MS4A18: variants seen among roughly 807,000 people sequenced by gnomAD.
MS4A18 encodes membrane spanning 4-domains A18.
In MS4A18, 27 loss-of-function variants were observed where a neutral mutation model predicts 13.1. The observed-to-expected ratio is 2.06, with a 90% CI of 1.52 to 2.84. The LOEUF (loss-of-function observed/expected upper bound fraction) is 2.84, where lower values mean the gene tolerates loss of function less well. Among genes scored for constraint, MS4A18 ranks in the 30% most tolerant of loss-of-function variants. The probability of loss-of-function intolerance (pLI) is 0.00; values close to 1 mark genes in which losing one functional copy is unlikely to be tolerated. For synonymous variants in MS4A18, 126 were observed against 76.5 expected (o/e 1.65, Z -3.38); for missense variants, 307 against 196.4 (o/e 1.56, Z -3.37).
chr11:60,734,597 G>A (rs1289943515), intron 2 of MS4A18, among the ~76,000 whole-genome samples: 4 of 152,214 alleles, frequency 2.6e-5, no homozygotes, highest in Non-Finnish European at 4.4e-5. Context: ...ATTCCACTTA[G>A]ATGAGGTCCC....
chr11:60,734,136 G>C (rs2134676720), intron 2 of MS4A18, among the ~76,000 whole-genome samples: 1 of 152,186 alleles, frequency 6.6e-6, no homozygotes, highest in African/African-American at 2.4e-5. Flanking sequence ...TGCACTTGTA[G>C]TCCCAGCTAC....
At chr11:60,733,417 C>T in intron 1 of MS4A18, 117 bp from the exon 3 acceptor site, 1 of 664,764 alleles carries the variant, frequency 1.5e-6, no homozygotes, top group Non-Finnish European at 2.7e-6. Flanking sequence ...CTGGGATGAG[C>T]CCCCAACACC....
At chr11:60,736,704 A>G (rs946935534) in intron 2 of MS4A18, among the ~76,000 whole-genome samples, 4 of 152,176 alleles carry the variant, frequency 2.6e-5, no homozygotes, top group African/African-American at 9.7e-5. Flanking sequence ...TAATAATGAG[A>G]TTTACAGCAT....
chr11:60,744,643 T>C (rs1565063128), downstream of MS4A18, among the ~76,000 whole-genome samples: 1 of 152,082 alleles, frequency 6.6e-6, no homozygotes. Flanking sequence ...TTCCACAATA[T>C]ATAAAGAACT....
chr11:60,731,323 C>G (rs1480408413), intron 1 of MS4A18, among the ~76,000 whole-genome samples: 1 of 152,084 alleles, frequency 6.6e-6, no homozygotes, highest in Non-Finnish European at 1.5e-5. Context: ...TTTGTCAAAA[C>G]AGAATTAAGT....
At chr11:60,727,332 T>G (rs1211109332), upstream of MS4A18, among the ~76,000 whole-genome samples, 1 of 152,182 alleles carries the variant, frequency 6.6e-6, no homozygotes, top group African/African-American at 2.4e-5. Context: ...GCCACTATTA[T>G]GCACCTTTTA....
chr11:60,742,742 C>T (rs1853428908), intron 5 of MS4A18, among the ~76,000 whole-genome samples: 1 of 152,190 alleles, frequency 6.6e-6, no homozygotes, highest in Non-Finnish European at 1.5e-5. Flanking sequence ...TCATTAAGTC[C>T]TGGGCTCTCT....
chr11:60,726,501 C>T (rs985775818), upstream of MS4A18, among the ~76,000 whole-genome samples: 3 of 152,146 alleles, frequency 2.0e-5, no homozygotes, highest in African/African-American at 7.2e-5. Context: ...TGTGTTGAAA[C>T]ACAGATGGCT....
rs79234005 is a variant in MS4A18, at chr11:60,736,128, T to C, written c.592-850T>C. Among the ~76,000 whole-genome samples the C allele has an allele frequency of 6.6e-5, 10 of 152,208 alleles. No individual in the cohort carries two copies. In the East Asian group the frequency reaches 1.9e-3, roughly 29 times the overall value. ...TTTGTTTGGGAAGAAGTGAGTTCCT[T>C]TGAGGGGTAGCTTCAAGAGAGCTAG... is the stretch of plus-strand genomic sequence containing the variant. On this transcript the variant is annotated intron_variant, in intron 2 of 5. Transcript: ENST00000529108.
intron 1 of MS4A18, among the ~76,000 whole-genome samples, chr11:60,731,955 A>G (rs1027264714): frequency 5.9e-5 from 9 of 152,138 alleles, no homozygotes; most frequent in Non-Finnish European, 1.3e-4. Flanking sequence ...TCATTAATAT[A>G]CTGATAAAGT....
chr11:60,744,190 C>G (rs1351092105), exon 6 of MS4A18: 1 of 569,908 alleles, frequency 1.8e-6, no homozygotes, highest in Non-Finnish European at 3.1e-6. Context: ...TCTTTTTTTT[C>G]ATTCATAAAT....
chr11:60,730,962 C>A (rs766521936), intron 1 of MS4A18, among the ~76,000 whole-genome samples: 3 of 152,010 alleles, frequency 2.0e-5, no homozygotes, highest in Non-Finnish European at 4.4e-5. Flanking sequence ...GGTGTGGTGG[C>A]GGGTGCCTGT....
intron 2 of MS4A18, among the ~76,000 whole-genome samples, chr11:60,734,486 A>C (rs1453632929): frequency 6.6e-6 from 1 of 152,172 alleles, no homozygotes; most frequent in East Asian, 1.9e-4. Flanking sequence ...CAGTGCTGCC[A>C]CCTCATAAGG....
At chr11:60,734,906 C>T (rs915158631) in intron 2 of MS4A18, among the ~76,000 whole-genome samples, 2 of 151,684 alleles carry the variant, frequency 1.3e-5, no homozygotes, top group Non-Finnish European at 2.9e-5. Flanking sequence ...GTCGGCCTCC[C>T]GAGTAGCTGG....
intron 5 of MS4A18, among the ~76,000 whole-genome samples, chr11:60,741,387 C>T (rs1281813598): frequency 6.6e-6 from 1 of 152,096 alleles, no homozygotes; most frequent in Non-Finnish European, 1.5e-5. Flanking sequence ...ATGAACTCAC[C>T]CTTGTATCTT....
At chr11:60,742,226 C>G (rs1415415851) in intron 5 of MS4A18, among the ~76,000 whole-genome samples, 2 of 152,108 alleles carry the variant, frequency 1.3e-5, no homozygotes, top group Non-Finnish European at 1.5e-5. Context: ...ACTCTTGGCT[C>G]TACTCTCAGA....
intron 1 of MS4A18, 31 bp from the exon 3 acceptor site, chr11:60,733,503 G>T (rs1374430171): frequency 5.7e-6 from 4 of 703,018 alleles, no homozygotes; most frequent in Non-Finnish European, 1.0e-5. Context: ...CCGCAGTTCT[G>T]CTCTCTCACA....
At chr11:60,736,720 G>A (rs1212855478) in intron 2 of MS4A18, among the ~76,000 whole-genome samples, 1 of 152,182 alleles carries the variant, frequency 6.6e-6, no homozygotes, top group Non-Finnish European at 1.5e-5. Context: ...AGCATCCTGG[G>A]ACAAAATTCA....
intron 5 of MS4A18, among the ~76,000 whole-genome samples, chr11:60,742,268 T>C (rs1403284759): frequency 2.0e-5 from 3 of 152,214 alleles, no homozygotes; most frequent in African/African-American, 7.2e-5. Flanking sequence ...AGGAAAGGCC[T>C]GTATTTTCCA....
Sources: gnomAD v4.1 joint callset for allele counts (sites outside exome capture counted in the v4.1 genomes callset) on GRCh38, gnomAD v4.1.1 for gene constraint, MANE v1.5 for transcripts, NCBI Gene and HGNC (gene_info 2026-07-23, HGNC 2026-07-21) for gene names.